The following FAM107B variants were observed in gnomAD, a reference collection of about 807,000 sequenced individuals.
FAM107B encodes the protein protein FAM107B.
Under a neutral mutation model 31.5 loss-of-function variants are expected in FAM107B, and 21 were observed. That is an observed-to-expected ratio of 0.67 (90% confidence interval 0.47 to 0.96). FAM107B has a LOEUF of 0.96. FAM107B is among the 40% of genes least tolerant of loss of function. FAM107B has a pLI of 0.00. For synonymous variants in FAM107B, 157 were observed against 141.5 expected (o/e 1.11, Z -0.78); for missense variants, 452 against 377.1 (o/e 1.20, Z -1.64).
At chr10:14,653,254 A>T (rs1276762325) in intron 2 of FAM107B, among the ~76,000 whole-genome samples, 1 of 152,234 alleles carries the variant, frequency 6.6e-6, no homozygotes, top group Non-Finnish European at 1.5e-5. Context: ...ATGGCTCAGA[A>T]AAAGCCAAGG....
At chr10:14,748,609 C>T (rs1411613591) in intron 1 of FAM107B, among the ~76,000 whole-genome samples, 2 of 152,184 alleles carry the variant, frequency 1.3e-5, no homozygotes, top group African/African-American at 4.8e-5. Context: ...CATTCTTGGC[C>T]CGACAACAGT....
chr10:14,739,499 C>T (rs184141206), intron 1 of FAM107B, among the ~76,000 whole-genome samples: 98 of 152,316 alleles, frequency 6.4e-4, no homozygotes, highest in Middle Eastern at 3.4e-3. Context: ...GTTGGGGAAA[C>T]TTACTGCCTC....
intron 2 of FAM107B, among the ~76,000 whole-genome samples, chr10:14,604,854 T>G: frequency 7.6e-6 from 1 of 132,248 alleles, no homozygotes; most frequent in East Asian, 1.9e-4. Flanking sequence ...TCTCATTCTC[T>G]CCCTCATTCT....
At chr10:14,716,006 G>A (rs993754725) in intron 1 of FAM107B, among the ~76,000 whole-genome samples, 3 of 152,080 alleles carry the variant, frequency 2.0e-5, no homozygotes, top group Non-Finnish European at 2.9e-5. Context: ...TATAGACATA[G>A]GAGTCTCCAG....
At chr10:14,647,860 C>A (rs369918392) in intron 2 of FAM107B, among the ~76,000 whole-genome samples, 1 of 152,008 alleles carries the variant, frequency 6.6e-6, no homozygotes, top group African/African-American at 2.4e-5. Flanking sequence ...CAAGGCAATG[C>A]GGTAAACACC....
intron 2 of FAM107B, among the ~76,000 whole-genome samples, chr10:14,636,873 C>T (rs1853512855): frequency 1.3e-5 from 2 of 152,026 alleles, no homozygotes; most frequent in Admixed American, 1.3e-4. Flanking sequence ...GCCCATGCAG[C>T]TTTATCTGCG....
At chr10:14,615,868 T>C (rs139501714) in intron 2 of FAM107B, among the ~76,000 whole-genome samples, 1,685 of 152,294 alleles carry the variant, frequency 0.011, 22 homozygotes, top group Non-Finnish European at 0.014. Context: ...CAGGCAGGAA[T>C]CAATGTTTTA....
chr10:14,669,080 G>A (rs1185141267), intron 1 of FAM107B, among the ~76,000 whole-genome samples: 1 of 151,962 alleles, frequency 6.6e-6, no homozygotes, highest in Non-Finnish European at 1.5e-5. Context: ...GATAAAGAAA[G>A]GTCCAGGCCA....
At chr10:14,553,202 A>G in intron 2 of FAM107B, 1 of 314,184 alleles carries the variant, frequency 3.2e-6, no homozygotes, top group Non-Finnish European at 5.5e-6. Context: ...AATGAGGGAG[A>G]GAATACAAAT....
At chr10:14,769,742 T>C (rs565305700) in intron 1 of FAM107B, among the ~76,000 whole-genome samples, 33 of 152,276 alleles carry the variant, frequency 2.2e-4, no homozygotes, top group African/African-American at 7.2e-4. Flanking sequence ...ACAATTACTA[T>C]CTCTTCCTAT....
intron 1 of FAM107B, among the ~76,000 whole-genome samples, chr10:14,711,193 G>C (rs963746722): frequency 6.7e-4 from 102 of 152,294 alleles, no homozygotes; most frequent in African/African-American, 2.4e-3. Context: ...TTACAGGCGT[G>C]AGCCACTGTG....
intron 2 of FAM107B, among the ~76,000 whole-genome samples, chr10:14,666,780 T>C (rs577576326): frequency 3.3e-5 from 5 of 152,272 alleles, no homozygotes; most frequent in Admixed American, 1.3e-4. Flanking sequence ...GGAGATAGTA[T>C]AGAGGGAAAG....
intron 1 of FAM107B, among the ~76,000 whole-genome samples, chr10:14,710,920 ATT>A (rs58813977): frequency 6.6e-6 from 1 of 150,970 alleles, no homozygotes; most frequent in Non-Finnish European, 1.5e-5. Context: ...TAAAGAAATA[ATT>A]TTTTTTTTGA....
At chr10:14,567,535 C>T (rs1296286196) in intron 2 of FAM107B, among the ~76,000 whole-genome samples, 6 of 152,120 alleles carry the variant, frequency 3.9e-5, no homozygotes, top group Non-Finnish European at 5.9e-5. Flanking sequence ...AGATCAGGAT[C>T]ATAGAGAGGC....
intron 2 of FAM107B, among the ~76,000 whole-genome samples, chr10:14,641,618 A>G (rs1335988827): frequency 6.6e-6 from 1 of 152,204 alleles, no homozygotes; most frequent in Non-Finnish European, 1.5e-5. Flanking sequence ...AAAAAGAGAG[A>G]GAGAGGAAGC....
chr10:14,668,784 C>A (rs980437575), intron 1 of FAM107B, among the ~76,000 whole-genome samples: 1 of 152,114 alleles, frequency 6.6e-6, no homozygotes, highest in African/African-American at 2.4e-5. Flanking sequence ...CAGGAAGTTA[C>A]CTACTCAGCT....
intron 2 of FAM107B, among the ~76,000 whole-genome samples, chr10:14,646,225 T>G (rs1853749988): frequency 6.6e-6 from 1 of 152,130 alleles, no homozygotes; most frequent in South Asian, 2.1e-4. Flanking sequence ...GTACAAGCGG[T>G]TTTTGGTGAC....
chr10:14,611,994 T>C (rs1490651737), intron 2 of FAM107B, among the ~76,000 whole-genome samples: 3 of 152,022 alleles, frequency 2.0e-5, no homozygotes, highest in African/African-American at 4.8e-5. Flanking sequence ...AGTATAAATA[T>C]ATATACATGT....
At chr10:14,692,266 G>A (rs1407264043) in intron 1 of FAM107B, among the ~76,000 whole-genome samples, 1 of 152,134 alleles carries the variant, frequency 6.6e-6, no homozygotes, top group Admixed American at 6.6e-5. Flanking sequence ...GCACACCAAA[G>A]ATGAGCTCCC....
Sources: allele counts gnomAD v4.1 joint callset (sites outside exome capture counted in the v4.1 genomes callset), GRCh38; gene constraint gnomAD v4.1.1; transcripts MANE v1.5; gene names NCBI Gene and HGNC (gene_info 2026-07-23, HGNC 2026-07-21).